The following GALNTL6 variants were observed in gnomAD, a reference collection of about 807,000 sequenced individuals.
GALNTL6 encodes the protein polypeptide N-acetylgalactosaminyltransferase like 6, also known as polypeptide N-acetylgalactosaminyltransferase-like 6.
A neutral mutation model predicts 73.7 loss-of-function variants in GALNTL6; 46 were observed. The ratio of observed to expected loss-of-function variants is 0.62; its 90% CI spans 0.49 to 0.80. The LOEUF (loss-of-function observed/expected upper bound fraction) is 0.80, where lower values mean the gene tolerates loss of function less well. Ranked by LOEUF, GALNTL6 falls within the 30% of genes least tolerant of loss-of-function variation. GALNTL6 has a pLI of 0.00. For synonymous variants in GALNTL6, 259 were observed against 263.7 expected, an observed-to-expected ratio of 0.98 and a Z score of 0.17; for missense variants, 604 against 755.0, an observed-to-expected ratio of 0.80 and a Z score of 2.34.
chr4:172,374,763 C>T (rs1345486321), intron 5 of GALNTL6, among the ~76,000 whole-genome samples: 1 of 152,196 alleles, frequency 6.6e-6, no homozygotes, highest in Non-Finnish European at 1.5e-5. Context: ...CAGGTATCTC[C>T]AAACTCTCAA....
chr4:172,067,675 A>T (rs1731405891), intron 2 of GALNTL6, among the ~76,000 whole-genome samples: 1 of 110,286 alleles, frequency 9.1e-6, no homozygotes, highest in Non-Finnish European at 2.0e-5. Flanking sequence ...TTTAACTTTC[A>T]CTGTTACCCA....
chr4:172,444,533 C>T (rs1025896729), intron 5 of GALNTL6, among the ~76,000 whole-genome samples: 2 of 152,128 alleles, frequency 1.3e-5, no homozygotes, highest in Non-Finnish European at 2.9e-5. Context: ...AACATAGATA[C>T]TTCCATGCCT....
chr4:172,032,305 C>T (rs1741792623), intron 2 of GALNTL6, among the ~76,000 whole-genome samples: 1 of 152,028 alleles, frequency 6.6e-6, no homozygotes, highest in East Asian at 1.9e-4. Flanking sequence ...TCATAATTAT[C>T]AAGGTGTCGT....
chr4:172,398,028 C>T (rs1012282375), intron 5 of GALNTL6, among the ~76,000 whole-genome samples: 3 of 152,216 alleles, frequency 2.0e-5, no homozygotes, highest in South Asian at 2.1e-4. Context: ...TAACTGCATG[C>T]CAACCATCAG....
chr4:172,052,665 T>C, intron 2 of GALNTL6: 1 of 555,094 alleles, frequency 1.8e-6, no homozygotes. Flanking sequence ...TTGTGATCAC[T>C]TTTGCCCAGG....
chr4:172,189,065 G>T (rs557583388), intron 2 of GALNTL6, among the ~76,000 whole-genome samples: 29 of 152,208 alleles, frequency 1.9e-4, no homozygotes, highest in African/African-American at 6.7e-4. Flanking sequence ...TGTGTTTTCA[G>T]GATGGCTGAG....
chr4:172,639,770 G>A (rs1182554247), intron 5 of GALNTL6, among the ~76,000 whole-genome samples: 1 of 151,926 alleles, frequency 6.6e-6, no homozygotes, highest in Non-Finnish European at 1.5e-5. Context: ...TCTACTTGCT[G>A]GCATCTGCAC....
intron 5 of GALNTL6, among the ~76,000 whole-genome samples, chr4:172,681,985 A>C (rs1322507676): frequency 6.6e-6 from 1 of 152,208 alleles, no homozygotes. Flanking sequence ...TTATGTCCTG[A>C]AGAGGAAAGG....
intron 2 of GALNTL6, among the ~76,000 whole-genome samples, chr4:171,988,582 C>G (rs545151450): frequency 6.6e-6 from 1 of 152,208 alleles, no homozygotes; most frequent in South Asian, 2.1e-4. Flanking sequence ...GGGTTTGGCA[C>G]CACGGGGTGG....
At chr4:172,141,488 T>G (rs1361340087) in intron 2 of GALNTL6, among the ~76,000 whole-genome samples, 1 of 152,008 alleles carries the variant, frequency 6.6e-6, no homozygotes, top group East Asian at 1.9e-4. Context: ...ACAACATTGA[T>G]TATTTTAAGC....
intron 3 of GALNTL6, among the ~76,000 whole-genome samples, chr4:172,288,629 A>G (rs1168910589): frequency 6.6e-6 from 1 of 152,176 alleles, no homozygotes; most frequent in Non-Finnish European, 1.5e-5. Flanking sequence ...GGAAGCATAT[A>G]TGTTTTCATG....
At chr4:172,364,746 C>G (rs1218132304) in intron 5 of GALNTL6, among the ~76,000 whole-genome samples, 1 of 152,082 alleles carries the variant, frequency 6.6e-6, no homozygotes, top group Non-Finnish European at 1.5e-5. Context: ...GCCTATCTGT[C>G]CCTAGTCAAA....
At chr4:172,701,683 G>T (rs935513857) in intron 5 of GALNTL6, among the ~76,000 whole-genome samples, 4 of 152,038 alleles carry the variant, frequency 2.6e-5, no homozygotes, top group Non-Finnish European at 4.4e-5. Flanking sequence ...CTATTGCCAG[G>T]TCTCTTTCTC....
At chr4:172,262,854 G>A (rs909399835) in intron 3 of GALNTL6, among the ~76,000 whole-genome samples, 7 of 151,338 alleles carry the variant, frequency 4.6e-5, no homozygotes, top group Admixed American at 2.0e-4. Flanking sequence ...TCTGAAAAAA[G>A]TTTTATCTCT....
intron 3 of GALNTL6, among the ~76,000 whole-genome samples, chr4:172,303,384 A>G (rs987631130): frequency 6.6e-6 from 1 of 152,144 alleles, no homozygotes; most frequent in Non-Finnish European, 1.5e-5. Context: ...GGCATCCCCA[A>G]CAATTTACTA....
intron 2 of GALNTL6, among the ~76,000 whole-genome samples, chr4:171,852,495 C>T (rs1204547481): frequency 6.7e-6 from 1 of 148,632 alleles, no homozygotes; most frequent in African/African-American, 2.4e-5. Context: ...AAGCATTTAT[C>T]GCTGTCTAAA....
intron 2 of GALNTL6, among the ~76,000 whole-genome samples, chr4:171,921,900 G>A (rs1171296728): frequency 6.6e-6 from 1 of 151,682 alleles, no homozygotes; most frequent in Non-Finnish European, 1.5e-5. Flanking sequence ...GAACACAAAG[G>A]GGAAATAAAA....
intron 2 of GALNTL6, among the ~76,000 whole-genome samples, chr4:171,828,322 A>T (rs1029776192): frequency 6.6e-6 from 1 of 152,154 alleles, no homozygotes; most frequent in Non-Finnish European, 1.5e-5. Flanking sequence ...TCAGTAAAAC[A>T]TGATATCACA....
At chr4:172,496,904 A>G (rs1054058998) in intron 5 of GALNTL6, among the ~76,000 whole-genome samples, 2 of 152,180 alleles carry the variant, frequency 1.3e-5, no homozygotes, top group Non-Finnish European at 2.9e-5. Context: ...GATTCCTTTC[A>G]GTGTTATCAT....
Sources: gnomAD v4.1 joint callset for allele counts (sites outside exome capture counted in the v4.1 genomes callset) on GRCh38, gnomAD v4.1.1 for gene constraint, MANE v1.5 for transcripts, NCBI Gene and HGNC (gene_info 2026-07-23, HGNC 2026-07-21) for gene names.